DOP1A: variants seen among roughly 807,000 people sequenced by gnomAD.
The protein encoded by DOP1A is protein DOP1A.
A neutral mutation model predicts 267.6 loss-of-function variants in DOP1A; 90 were observed. That is an observed-to-expected ratio of 0.34 (90% CI 0.28 to 0.40). The LOEUF (loss-of-function observed/expected upper bound fraction) is 0.40, where lower values mean the gene tolerates loss of function less well. Ranked by LOEUF, DOP1A falls within the 10% of genes least tolerant of loss-of-function variation. The pLI is 1.00. For missense variants in DOP1A, 2,437 were observed against 2,900.4 expected, an observed-to-expected ratio of 0.84 and a Z score of 3.67; for synonymous variants, 932 against 999.1, an observed-to-expected ratio of 0.93 and a Z score of 1.27.
At chr6:83,155,298 CAAAAAAAA>C (rs1197027815) in intron 33 of DOP1A, among the ~76,000 whole-genome samples, 1 of 57,788 alleles carries the variant, frequency 1.7e-5, no homozygotes, top group African/African-American at 6.2e-5. Context: ...CCCAGCTCTA[CAAAAAAAA>C]AAAAAAAAAT....
At chr6:83,126,131 C>T (rs920457665) in intron 15 of DOP1A, among the ~76,000 whole-genome samples, 1 of 150,030 alleles carries the variant, frequency 6.7e-6, no homozygotes, top group Non-Finnish European at 1.5e-5. Flanking sequence ...ATCTAGTGTG[C>T]ATTTTACACT....
chr6:83,096,636 CAG>C (rs1321128867), intron 1 of DOP1A, 93 bp from the exon 2 acceptor site: 6 of 404,860 alleles, frequency 1.5e-5, no homozygotes, highest in South Asian at 1.3e-4. Context: ...ACAAATATGA[CAG>C]AGAAATAACA....
In DOP1A at chr6:83,157,294, C is replaced by G. The variant is rs554456736; in HGVS notation, c.6717C>G (p.Leu2239=). 1.2e-6 allele frequency: 2 copies of G among 1,613,812 alleles called. No homozygotes were observed. Among genetic ancestry groups the G allele is most frequent in the African/African-American group, 2.7e-5 (2 of 75,032 alleles). ...LRMSPQHLTS[L]WPTMITELVQ... ...TGTCTCCCCAACATCTTACCTCACT[C>G]TGGCCTACCATGATTACAGAACTTG... The change falls in exon 35 of 39, where the codon CTC becomes CTG. Residue 2239 remains leucine, a synonymous_variant. Transcript: ENST00000349129.
chr6:83,153,906 C>T lies in DOP1A; in HGVS notation c.6252C>T (p.Ala2084=). ...TTCTTCCTTGTAGTGCACATAATGCCCCTAGTTATCGAGCTTGTGTCCAGC... is the reference window on the plus strand; with the variant it reads ...TTCTTCCTTGTAGTGCACATAATGCTCCTAGTTATCGAGCTTGTGTCCAGC... ...PYLRNHSAHN[A]PSYRACVQLL... Residue 2084 remains alanine (A), a synonymous_variant, in exon 32 of 39, where the codon GCC becomes GCT. Coordinates refer to ENST00000349129, the MANE Select transcript of DOP1A (RefSeq NM_015018.4). 1 of 1,611,728 alleles carries T rather than the reference C, an allele frequency of 6.2e-7. No homozygotes were observed. Among genetic ancestry groups the T allele is most frequent in the Non-Finnish European group, 8.5e-7 (1 of 1,179,444 alleles).
downstream of DOP1A, chr6:83,170,345 G>A (rs1583246074): frequency 1.2e-6 from 2 of 1,614,136 alleles, no homozygotes; most frequent in Non-Finnish European, 1.7e-6. Context: ...GACATCTTCT[G>A]TACCAGAGGG....
At chr6:83,141,687 G>A (rs1332729072) in intron 23 of DOP1A, among the ~76,000 whole-genome samples, 1 of 152,032 alleles carries the variant, frequency 6.6e-6, no homozygotes, top group East Asian at 1.9e-4. Flanking sequence ...TCTTTTCACA[G>A]TGAATAGACT....
intron 38 of DOP1A, chr6:83,167,121 C>T (rs1054390053): frequency 1.0e-6 from 1 of 962,772 alleles, no homozygotes. Flanking sequence ...TTTTCACATA[C>T]CTTCTCATTT....
At chr6:83,156,161 A>T (rs1782738032) in intron 34 of DOP1A, 58 bp downstream of exon 34, 8 of 1,411,138 alleles carry the variant, frequency 5.7e-6, no homozygotes, top group Non-Finnish European at 6.8e-6. Context: ...GTTCCTTAGA[A>T]AATACTTCTC....
At chr6:83,120,053 A>G (rs1435478357) in intron 9 of DOP1A, among the ~76,000 whole-genome samples, 196 bp downstream of exon 9, 1 of 151,964 alleles carries the variant, frequency 6.6e-6, no homozygotes, top group Non-Finnish European at 1.5e-5. Flanking sequence ...TGTAAGACAA[A>G]AGACTTTTTT....
Position 83,108,650 on chromosome 6 carries a change from G to C in DOP1A, c.321-260G>C, listed in dbSNP as rs371896316. On this transcript the variant is annotated intron_variant, in intron 4 of 38. Coordinates refer to ENST00000349129, the MANE Select transcript of DOP1A (RefSeq NM_015018.4). ...GCACATGTTTTGCTGGGGCACATTG[G>C]GGGAGAATTCTGTTTTTGGAATTGT... Among the ~76,000 whole-genome samples the C allele has an allele frequency of 5.4e-4, 82 of 152,266 alleles. 2 individuals are homozygous for C. The East Asian group carries it at 0.014, about 27-fold the overall frequency.
chr6:83,118,143 T>A (rs1415330381), intron 7 of DOP1A, among the ~76,000 whole-genome samples: 3 of 152,166 alleles, frequency 2.0e-5, no homozygotes, highest in African/African-American at 7.2e-5. Context: ...TTCCACATTA[T>A]CATCTAATTC....
At position 83,163,495 on chromosome 6, in the gene DOP1A, G is replaced by A. The variant is rs1235071995; in HGVS notation, c.7092+576G>A. 7.9e-5 allele frequency among the ~76,000 whole-genome samples: 12 copies of A among 152,074 alleles called. No homozygotes were observed. The South Asian group carries it at 2.1e-3, about 26-fold the overall frequency. On this transcript the variant is annotated intron_variant, in intron 38 of 38. Coordinates refer to ENST00000349129, the MANE Select transcript of DOP1A (RefSeq NM_015018.4). ...TGAGCTAGACCTCGATCAGAATAAA[G>A]GAAATAATCATTAGCATTCATTCTG...
chr6:83,145,202 A>T (rs1186481018), intron 24 of DOP1A, among the ~76,000 whole-genome samples: 5 of 192 alleles, frequency 0.026, 1 homozygote. Context: ...ATATATATAT[A>T]TAATAATATA....
At chr6:83,130,099 G>A (rs745544175) in intron 16 of DOP1A, 24 bp from the exon 17 acceptor site, 48 of 1,606,486 alleles carry the variant, frequency 3.0e-5, no homozygotes, top group Middle Eastern at 1.7e-4. Flanking sequence ...AATGAACTCT[G>A]ATTGCTACCA....
intron 15 of DOP1A, among the ~76,000 whole-genome samples, chr6:83,126,995 T>C (rs1777275764): frequency 6.6e-6 from 1 of 152,072 alleles, no homozygotes; most frequent in Non-Finnish European, 1.5e-5. Flanking sequence ...AGAAGCTGCT[T>C]TTTTATGCTG....
intron 38 of DOP1A, chr6:83,165,823 C>G (rs533094681): frequency 6.3e-6 from 2 of 315,164 alleles, no homozygotes; most frequent in East Asian, 1.8e-4. Flanking sequence ...TTCTGGTGGC[C>G]AATGCCGGCT....
At chr6:83,091,159 G>A (rs918315898) in intron 1 of DOP1A, among the ~76,000 whole-genome samples, 2 of 150,672 alleles carry the variant, frequency 1.3e-5, no homozygotes, top group African/African-American at 4.9e-5. Flanking sequence ...AATACCATCA[G>A]ATCTCACCCA....
downstream of DOP1A, chr6:83,170,369 C>G (rs754506754): frequency 1.2e-6 from 2 of 1,614,128 alleles, no homozygotes; most frequent in Middle Eastern, 1.6e-4. Context: ...GACAAAAGCT[C>G]GAGAAAGCTT....
In DOP1A at chr6:83,110,046, T is replaced by C. The variant is rs1774288428; in HGVS notation, c.492-79T>C. Reference sequence around the variant, plus strand: ...ACTGTAGCATGGGTGTTTGCATACATTTTTGGAAAAGAATGATTTATTTTT... The same window carrying C: ...ACTGTAGCATGGGTGTTTGCATACACTTTTGGAAAAGAATGATTTATTTTT... On this transcript the variant is annotated intron_variant, in intron 5 of 38. Transcript: ENST00000349129. 7 of 1,444,676 alleles carry C rather than the reference T, an allele frequency of 4.8e-6. No individual in the cohort carries two copies. In the African/African-American group the frequency reaches 7.2e-5, roughly 15 times the overall value. The allele number at this position is 1,444,676 out of a possible 1,614,324, so 89.5% of individuals were successfully genotyped here.
Sources: allele counts gnomAD v4.1 joint callset (sites outside exome capture counted in the v4.1 genomes callset), GRCh38; gene constraint gnomAD v4.1.1; transcripts MANE v1.5; gene names NCBI Gene and HGNC (gene_info 2026-07-23, HGNC 2026-07-21).